Variants in COBL observed in about 807,000 individuals in gnomAD.
COBL encodes protein cordon-bleu.
COBL carries 51 observed loss-of-function variants against 98.8 expected under a neutral mutation model. The observed-to-expected ratio is 0.52, with a 90% CI of 0.41 to 0.65. The LOEUF (loss-of-function observed/expected upper bound fraction) is 0.65. COBL is among the 30% of genes least tolerant of loss of function. The pLI, the probability that COBL is intolerant of heterozygous loss-of-function variation, is 0.00. For synonymous variants in COBL, 634 were observed against 651.7 expected, an observed-to-expected ratio of 0.97 and a Z score of 0.41; for missense variants, 1,617 against 1,617.5, an observed-to-expected ratio of 1.00 and a Z score of 0.01.
At chr7:51,032,559 A>G (rs1026767563) in intron 8 of COBL, 1 of 152,190 alleles carries the variant, frequency 6.6e-6, no homozygotes, top group African/African-American at 2.4e-5. Context: ...CTGATAAATG[A>G]GTCTTTCTGA....
At chr7:51,055,876 G>T (rs190599795) in intron 7 of COBL, among the ~76,000 whole-genome samples, 4 of 152,206 alleles carry the variant, frequency 2.6e-5, no homozygotes, top group Non-Finnish European at 5.9e-5. Context: ...AACAACAGGC[G>T]CTGGAGTTAA....
At chr7:51,128,517 G>A (rs1210304087) in intron 6 of COBL, among the ~76,000 whole-genome samples, 1 of 151,794 alleles carries the variant, frequency 6.6e-6, no homozygotes, top group Non-Finnish European at 1.5e-5. Context: ...GGGGAGGGGA[G>A]AGAAATGAGA....
At chr7:51,091,921 G>C (rs922566029) in intron 6 of COBL, among the ~76,000 whole-genome samples, 3 of 152,144 alleles carry the variant, frequency 2.0e-5, no homozygotes, top group African/African-American at 7.2e-5. Flanking sequence ...GCCAATCAAG[G>C]ATACTTAAAA....
chr7:51,035,088 G>A (rs1271183856), intron 8 of COBL: 1 of 152,210 alleles, frequency 6.6e-6, no homozygotes, highest in Non-Finnish European at 1.5e-5. Context: ...CTCTTGGGAT[G>A]GTCGGAGGGT....
rs976503780 is a variant in COBL at position 51,031,099 on chromosome 7, G to C, written c.1407-190C>G. 6.7e-6 allele frequency: 4 copies of C among 596,736 alleles called. No individual in the cohort carries two copies. In the African/African-American group the frequency reaches 7.4e-5, roughly 11 times the overall value. 37.0% of individuals were successfully genotyped at this position (596,736 alleles called of 1,614,324 possible). ...ATGGGTGTGTGTGTCCCCCATGTGT[G>C]TGCACAGGTATGTGTGGGATGCGTG... On this transcript the variant is annotated intron_variant, in intron 8 of 12. Transcript: ENST00000265136.
intron 6 of COBL, among the ~76,000 whole-genome samples, chr7:51,095,879 A>G (rs1239569248): frequency 6.6e-6 from 1 of 152,202 alleles, no homozygotes; most frequent in Non-Finnish European, 1.5e-5. Flanking sequence ...AGTGTATTCA[A>G]ATACATAAAG....
intron 1 of COBL, among the ~76,000 whole-genome samples, chr7:51,309,562 C>T (rs1802821590): frequency 6.6e-6 from 1 of 152,150 alleles, no homozygotes; most frequent in Non-Finnish European, 1.5e-5. Context: ...GCCAGTTGAT[C>T]GGTCTGTTCT....
At chr7:51,190,766 G>T in intron 4 of COBL, 84 bp downstream of exon 4, 1 of 1,095,328 alleles carries the variant, frequency 9.1e-7, no homozygotes, top group Non-Finnish European at 1.4e-6. Flanking sequence ...TACTGAGAGT[G>T]CTGGGGAGAG....
At chr7:51,206,894 G>C (rs73697829) in intron 2 of COBL, among the ~76,000 whole-genome samples, 10,411 of 152,268 alleles carry the variant, frequency 0.068, 397 homozygotes, top group Middle Eastern at 0.14. Flanking sequence ...AAGACACACA[G>C]TTTCTGTTAC....
chr7:51,236,666 G>A (rs1024620011), intron 1 of COBL, among the ~76,000 whole-genome samples: 3 of 152,096 alleles, frequency 2.0e-5, no homozygotes, highest in African/African-American at 7.2e-5. Context: ...TGAAATCCTA[G>A]GTCTGCTACT....
chr7:51,241,569 T>A (rs1214100143), intron 1 of COBL, among the ~76,000 whole-genome samples: 2 of 152,140 alleles, frequency 1.3e-5, no homozygotes, highest in Non-Finnish European at 2.9e-5. Context: ...GAGAAACAAG[T>A]TAATCTATAT....
intron 6 of COBL, among the ~76,000 whole-genome samples, chr7:51,114,306 C>T (rs1405171143): frequency 6.6e-6 from 1 of 151,758 alleles, no homozygotes; most frequent in South Asian, 2.1e-4. Flanking sequence ...GTCTCTCTAC[C>T]GTGCTGCCCC....
chr7:51,176,805 G>C (rs1439970835), intron 5 of COBL, among the ~76,000 whole-genome samples: 2 of 152,062 alleles, frequency 1.3e-5, no homozygotes, highest in Non-Finnish European at 2.9e-5. Context: ...CTTTATTTTT[G>C]TCTATGTTTG....
chr7:51,174,299 C>A (rs1227379851), intron 5 of COBL, among the ~76,000 whole-genome samples: 1 of 152,150 alleles, frequency 6.6e-6, no homozygotes, highest in East Asian at 1.9e-4. Context: ...CCTCTCTCAC[C>A]AGGTTTCTAG....
chr7:51,301,596 G>A (rs1035363064), intron 1 of COBL, among the ~76,000 whole-genome samples: 8 of 152,152 alleles, frequency 5.3e-5, no homozygotes, highest in South Asian at 2.1e-4. Context: ...TCTAATATTC[G>A]AAGAACAATC....
intron 1 of COBL, among the ~76,000 whole-genome samples, chr7:51,254,120 CTT>C (rs554734743): frequency 3.6e-3 from 541 of 150,656 alleles, no homozygotes; most frequent in African/African-American, 0.013. Flanking sequence ...CTTATTTTCT[CTT>C]CTTTCTTGCA....
At chr7:51,098,510 G>A (rs984861487) in intron 6 of COBL, among the ~76,000 whole-genome samples, 3 of 151,924 alleles carry the variant, frequency 2.0e-5, no homozygotes, top group Non-Finnish European at 4.4e-5. Flanking sequence ...AACACAATGT[G>A]GAAGATAGTT....
intron 7 of COBL, chr7:51,073,151 C>T (rs1313932671): frequency 1.8e-5 from 7 of 398,778 alleles, no homozygotes; most frequent in African/African-American, 1.2e-4. Flanking sequence ...AATTTACCTC[C>T]TTCAAAAAAA....
At chr7:51,073,133 T>C (rs1009223062) in intron 7 of COBL, 5 of 389,484 alleles carry the variant, frequency 1.3e-5, no homozygotes, top group African/African-American at 1.0e-4. Context: ...AACCTAAAAT[T>C]TGCATATAAT....
Sources: allele counts gnomAD v4.1 joint callset (sites outside exome capture counted in the v4.1 genomes callset), GRCh38; gene constraint gnomAD v4.1.1; transcripts MANE v1.5; gene names NCBI Gene and HGNC (gene_info 2026-07-23, HGNC 2026-07-21).